Variants in ZNF559 observed in about 807,000 individuals in gnomAD.
ZNF559 encodes zinc finger protein 559.
ZNF559 carries 17 observed loss-of-function variants against 14.2 expected under a neutral mutation model. The observed-to-expected ratio is 1.20, with a 90% CI of 0.82 to 1.80. ZNF559 has a LOEUF of 1.80. Among genes scored for constraint, ZNF559 ranks in the 40% most tolerant of loss-of-function variants. The pLI, the probability that ZNF559 is intolerant of heterozygous loss-of-function variation, is 0.00. For synonymous variants in ZNF559, 244 were observed against 212.4 expected (o/e 1.15, Z -1.29); for missense variants, 740 against 629.7 (o/e 1.18, Z -1.88).
In ZNF559 at chr19:9,337,775, GAAC is replaced by G; in HGVS notation, c.-119-17_-119-15del. On this transcript the variant is annotated intron_variant, in intron 2 of 6. Coordinates refer to ENST00000603380, the MANE Select transcript of ZNF559 (RefSeq NM_032497.3). ...CATAATACTCTAGTGGCACTCACAT[GAAC>G]AACTTCATCTTCTGCAGAGAGATGG... 1.4e-6 allele frequency: 2 copies of G among 1,424,878 alleles called. No homozygotes were observed. Among genetic ancestry groups the G allele is most frequent in the Admixed American group, 2.8e-5 (1 of 36,244 alleles). The allele number at this position is 1,424,878 out of a possible 1,614,324, so 88.3% of individuals were successfully genotyped here.
chr19:9,341,354 T>A, intron 6 of ZNF559, 170 bp downstream of exon 6: 1 of 726,880 alleles, frequency 1.4e-6, no homozygotes. Context: ...ACAAACACTC[T>A]AAACATCCCT....
Position 9,344,246 on chromosome 19 carries a change from GAAAA to G in ZNF559, c.*1184_*1187del, listed in dbSNP as rs889151189. 6.6e-6 allele frequency: 1 copy of G among 150,570 alleles called. No individual in the cohort carries two copies. The highest frequency in any genetic ancestry group is 6.6e-5 in the Admixed American group (1 of 15,096). The allele number at this position is 150,570 out of a possible 1,614,324, so 9.3% of individuals were successfully genotyped here. A position where few individuals can be genotyped will look rare whatever the true frequency, so the allele number is the denominator to read the frequency against. On this transcript the variant is annotated 3_prime_UTR_variant, in exon 7 of 7. Coordinates refer to ENST00000603380, the MANE Select transcript of ZNF559 (RefSeq NM_032497.3). ...ATATGGTAAGACCATCTCAAAAAAA[GAAAA>G]AAAAATTAAAATATCCTCAGAGGGT...
In ZNF559 at chr19:9,342,189, T is replaced by C. The variant is rs888037120; in HGVS notation, c.738T>C (p.Cys246=). The change falls in exon 7 of 7, where the codon TGT becomes TGC. Residue 246 remains cysteine, a synonymous_variant. Transcript: ENST00000603380. ...DGEKFYECKA[C]GKPFTESSYL... ...AAAAATTCTATGAATGTAAAGCATG[T>C]GGGAAACCCTTCACTGAGTCGTCAT... 4.4e-6 allele frequency: 7 copies of C among 1,606,762 alleles called. No individual in the cohort carries two copies. Among genetic ancestry groups the C allele is most frequent in the Non-Finnish European group, 5.9e-6 (7 of 1,177,704 alleles).
intron 2 of ZNF559, among the ~76,000 whole-genome samples, 176 bp downstream of exon 2, chr19:9,324,956 C>G (rs910712265): frequency 6.6e-6 from 1 of 152,262 alleles, no homozygotes; most frequent in East Asian, 1.9e-4. Context: ...AGGAAAAACA[C>G]AGGACTACTC....
intron 1 of ZNF559, chr19:9,324,489 C>T: frequency 7.2e-7 from 1 of 1,392,238 alleles, no homozygotes. Context: ...TTTCCCTGCT[C>T]CCCTCTGCAG....
Position 9,343,269 on chromosome 19 carries a change from G to A in ZNF559, c.*201G>A. On this transcript the variant is annotated 3_prime_UTR_variant, in exon 7 of 7. Coordinates refer to ENST00000603380, the MANE Select transcript of ZNF559 (RefSeq NM_032497.3). ...TGGGAAAATCTTGGCTCCTTCCATA[G>A]GCCTTACTATTCATGTGTCTGTGCA... 7.2e-7 allele frequency: 1 copy of A among 1,390,566 alleles called. No individual in the cohort carries two copies. The highest frequency in any genetic ancestry group is 9.3e-7 in the Non-Finnish European group (1 of 1,073,556). The allele number at this position is 1,390,566 out of a possible 1,614,324, so 86.1% of individuals were successfully genotyped here. A position where few individuals can be genotyped will look rare whatever the true frequency, so the allele number is the denominator to read the frequency against.
intron 2 of ZNF559, among the ~76,000 whole-genome samples, chr19:9,332,131 GA>G (rs780365214): frequency 1.3e-5 from 2 of 152,090 alleles, no homozygotes; most frequent in Non-Finnish European, 2.9e-5. Flanking sequence ...TTATTAGGCT[GA>G]AAATTTTTCT....
rs571314932 is a variant in ZNF559 at position 9,336,594 on chromosome 19, C to CA, written c.-119-1192dup. ...TGGGCGACAGAGCGAGACTCCATCTCAAAAAAAAAACAAAAAAAAACTTAT... is the reference window on the plus strand; with the variant it reads ...TGGGCGACAGAGCGAGACTCCATCTCAAAAAAAAAAACAAAAAAAAACTTAT... On this transcript the variant is annotated intron_variant, in intron 2 of 6. Transcript: ENST00000603380. 4.3e-3 allele frequency among the ~76,000 whole-genome samples: 582 copies of CA among 135,996 alleles called. 3 individuals carry two copies. Among genetic ancestry groups the CA allele is most frequent in the African/African-American group, 0.011 (399 of 36,798 alleles). The allele number at this position is 135,996 out of a possible 152,430, so 89.2% of individuals were successfully genotyped here.
At chr19:9,324,299 G>A in intron 1 of ZNF559, 71 bp downstream of exon 1, 1 of 1,535,908 alleles carries the variant, frequency 6.5e-7, no homozygotes, top group Non-Finnish European at 8.7e-7. Flanking sequence ...AGGGTGGAAA[G>A]GGGAGGTGCC....
rs759368485 is a variant in ZNF559, at chr19:9,324,741, C to T, written c.-159C>T. The stretch of plus-strand genomic sequence containing the variant: ...GTTCACGGTGACCTTCGCTTGGTGT[C>T]CTCCTGGCCTCAGCAACCTGACAAT... On this transcript the variant is annotated 5_prime_UTR_variant, in exon 2 of 7. Transcript: ENST00000603380. 122 of 1,535,702 alleles carry T rather than the reference C, an allele frequency of 7.9e-5. 1 individual carries two copies. The East Asian group carries it at 2.5e-3, about 31-fold the overall frequency.
chr19:9,342,063 A>T lies in ZNF559; in HGVS notation c.612A>T (p.Val204=). 3.1e-6 allele frequency: 5 copies of T among 1,610,592 alleles called. No homozygotes were observed. Among genetic ancestry groups the T allele is most frequent in the Non-Finnish European group, 4.2e-6 (5 of 1,178,978 alleles). The change falls in exon 7 of 7, where the codon GTA becomes GTT. Residue 204 remains valine (V), a synonymous_variant. Transcript: ENST00000603380. ...LPSSSHLREC[V]RIYGGERPYT... ...CCTCCTCACACCTCAGAGAATGTGT[A>T]AGAATTTATGGTGGAGAGAGACCAT... is the stretch of plus-strand genomic sequence containing the variant.
At chr19:9,328,871 G>C (rs1390513389) in intron 2 of ZNF559, among the ~76,000 whole-genome samples, 1 of 152,170 alleles carries the variant, frequency 6.6e-6, no homozygotes, top group African/African-American at 2.4e-5. Context: ...TCTTCTTGGT[G>C]TCAAAATATT....
chr19:9,339,130 A>G (rs962171477), intron 4 of ZNF559, 63 bp from the exon 5 acceptor site: 1 of 1,606,858 alleles, frequency 6.2e-7, no homozygotes, highest in African/African-American at 1.3e-5. Flanking sequence ...AAGGTCCCTC[A>G]TTCTCCAGTC....
chr19:9,337,840 T>A lies in ZNF559; in HGVS notation c.-75T>A. On this transcript the variant is annotated 5_prime_UTR_variant, in exon 3 of 7. Coordinates refer to ENST00000603380, the MANE Select transcript of ZNF559 (RefSeq NM_032497.3). The stretch of plus-strand genomic sequence containing the variant: ...CGCTTGATGACAGATGAGTAATGCC[T>A]GTTGCTGAAAGATTGACGGTATGAG... The A allele has an allele frequency of 6.7e-7, 1 of 1,486,970 alleles. No individual in the cohort carries two copies. The highest frequency in any genetic ancestry group is 8.9e-7 in the Non-Finnish European group (1 of 1,121,600). The allele number at this position is 1,486,970 out of a possible 1,614,324, so 92.1% of individuals were successfully genotyped here. A position where few individuals can be genotyped will look rare whatever the true frequency, so the allele number is the denominator to read the frequency against.
At chr19:9,324,138 G>C, upstream of ZNF559, 1 of 1,535,402 alleles carries the variant, frequency 6.5e-7, no homozygotes, top group Non-Finnish European at 8.7e-7. Flanking sequence ...CCCCTAGGTG[G>C]TCCTAGCCTT....
intron 2 of ZNF559, among the ~76,000 whole-genome samples, chr19:9,329,305 C>T (rs1050050680): frequency 2.0e-5 from 3 of 151,982 alleles, no homozygotes; most frequent in Non-Finnish European, 4.4e-5. Context: ...ACTATTTTGT[C>T]TGGGTGATCC....
In ZNF559 at chr19:9,342,055, G is replaced by C. The variant is rs191813465; in HGVS notation, c.604G>C (p.Glu202Gln). The change falls in exon 7 of 7, where the codon GAA becomes CAA. Residue 202 changes from glutamate to glutamine, a missense_variant. Transcript: ENST00000603380. ...KGLPSSSHLRECVRIYGGERP... is the reference protein window; with the variant it reads ...KGLPSSSHLRQCVRIYGGERP... ...CTTACCTTCCTCCTCACACCTCAGA[G>C]AATGTGTAAGAATTTATGGTGGAGA... 68 of 1,609,996 alleles carry C rather than the reference G, an allele frequency of 4.2e-5. No individual in the cohort carries two copies. In the Admixed American group the frequency reaches 1.2e-3, roughly 27 times the overall value.
chr19:9,326,313 G>A (rs2066601977), intron 2 of ZNF559, among the ~76,000 whole-genome samples: 1 of 151,970 alleles, frequency 6.6e-6, no homozygotes, highest in Non-Finnish European at 1.5e-5. Flanking sequence ...CACCGTGTTG[G>A]CCAGGCTGGT....
rs968538856 is a variant in ZNF559, at chr19:9,324,781, G to T, written c.-120+1G>T. 18 of 1,535,986 alleles carry T rather than the reference G, an allele frequency of 1.2e-5. No homozygotes were observed. The highest frequency in any genetic ancestry group is 1.6e-5 in the Non-Finnish European group (18 of 1,146,810). On this transcript the variant is annotated splice_donor_variant, in intron 2 of 6. Coordinates refer to ENST00000603380, the MANE Select transcript of ZNF559 (RefSeq NM_032497.3). LOFTEE classifies it low-confidence loss of function (5UTR_SPLICE). ...AACCTGACAATTCTGTCGTGTCCCGGTGAGCACTTCATGCACTTGTTCTGG... is the reference window on the plus strand; with the variant it reads ...AACCTGACAATTCTGTCGTGTCCCGTTGAGCACTTCATGCACTTGTTCTGG...
Sources: gnomAD v4.1 joint callset for allele counts (sites outside exome capture counted in the v4.1 genomes callset) on GRCh38, gnomAD v4.1.1 for gene constraint, MANE v1.5 for transcripts, NCBI Gene and HGNC (gene_info 2026-07-23, HGNC 2026-07-21) for gene names.